The following KHDRBS2 variants were observed in gnomAD, a reference collection of about 807,000 sequenced individuals.
The protein encoded by KHDRBS2 is KH RNA binding domain containing, signal transduction associated 2.
In KHDRBS2, 26 loss-of-function variants were observed where a neutral mutation model predicts 44.3. The observed-to-expected ratio is 0.59, with a 90% CI of 0.43 to 0.81. KHDRBS2 has a LOEUF of 0.81. Among genes scored for constraint, KHDRBS2 ranks in the 40% least tolerant of loss-of-function variants. The pLI is 0.00. For synonymous variants in KHDRBS2, 194 were observed against 151.1 expected (o/e 1.28, Z -2.08); for missense variants, 476 against 433.1 (o/e 1.10, Z -0.88).
At chr6:62,180,095 C>T (rs1821946086) in intron 1 of KHDRBS2, among the ~76,000 whole-genome samples, 1 of 151,794 alleles carries the variant, frequency 6.6e-6, no homozygotes, top group Non-Finnish European at 1.5e-5. Context: ...CAAACTAACA[C>T]AAGAACAGAA....
intron 3 of KHDRBS2, among the ~76,000 whole-genome samples, chr6:62,044,048 ATAG>A (rs764531103): frequency 6.6e-6 from 1 of 152,096 alleles, no homozygotes; most frequent in Non-Finnish European, 1.5e-5. Context: ...TCTTGAAGTA[ATAG>A]TAGATATGGA....
chr6:61,644,092 G>T, the KHDRBS2 span, among the ~76,000 whole-genome samples: 2 of 152,060 alleles, frequency 1.3e-5, no homozygotes, highest in Non-Finnish European at 2.9e-5. Context: ...GCATGGTTCT[G>T]GTATGAAAGC....
At chr6:61,865,625 C>T (rs115615888) in intron 6 of KHDRBS2, among the ~76,000 whole-genome samples, 1,994 of 152,214 alleles carry the variant, frequency 0.013, 49 homozygotes, top group African/African-American at 0.045. Context: ...ATCCACCCCT[C>T]GTCCCACCCA....
At chr6:62,216,579 G>C (rs757817031) in intron 1 of KHDRBS2, among the ~76,000 whole-genome samples, 1 of 151,564 alleles carries the variant, frequency 6.6e-6, no homozygotes, top group Non-Finnish European at 1.5e-5. Context: ...AGTTCCACAG[G>C]AGTCTTTATA....
the KHDRBS2 span, among the ~76,000 whole-genome samples, chr6:61,544,358 C>A: frequency 2.0e-5 from 3 of 152,012 alleles, no homozygotes; most frequent in African/African-American, 7.2e-5. Context: ...AACTAAGAGT[C>A]TTATGGAACC....
chr6:61,728,883 A>G (rs1329012726), intron 7 of KHDRBS2, among the ~76,000 whole-genome samples: 1 of 152,104 alleles, frequency 6.6e-6, no homozygotes, highest in Non-Finnish European at 1.5e-5. Flanking sequence ...AAGGTTTGTT[A>G]TTAGATTAGT....
At chr6:61,712,698 G>C (rs1055663147) in intron 7 of KHDRBS2, among the ~76,000 whole-genome samples, 8 of 151,786 alleles carry the variant, frequency 5.3e-5, no homozygotes, top group African/African-American at 1.9e-4. Context: ...TACTTCATTA[G>C]ATAATGTTTA....
intron 1 of KHDRBS2, among the ~76,000 whole-genome samples, chr6:62,228,444 T>A (rs1035315508): frequency 6.6e-6 from 1 of 152,276 alleles, no homozygotes; most frequent in South Asian, 2.1e-4. Context: ...TAGGAGTCTA[T>A]CTGTTTTGTT....
intron 2 of KHDRBS2, among the ~76,000 whole-genome samples, chr6:62,087,410 TA>T (rs1443365745): frequency 6.6e-6 from 1 of 151,598 alleles, no homozygotes; most frequent in Non-Finnish European, 1.5e-5. Context: ...GACAATTTCA[TA>T]AATTTAGACT....
At chr6:61,984,113 T>C (rs1774543386) in intron 3 of KHDRBS2, among the ~76,000 whole-genome samples, 1 of 152,092 alleles carries the variant, frequency 6.6e-6, no homozygotes. Context: ...ACCAGAACAC[T>C]TGCACCTTCC....
chr6:62,264,683 G>A (rs563254331), intron 1 of KHDRBS2, among the ~76,000 whole-genome samples: 2 of 151,648 alleles, frequency 1.3e-5, no homozygotes, highest in Non-Finnish European at 3.0e-5. Flanking sequence ...GAGACATATA[G>A]AGTAGGGATT....
chr6:62,197,403 A>G (rs1427289921), intron 1 of KHDRBS2, among the ~76,000 whole-genome samples: 1 of 152,168 alleles, frequency 6.6e-6, no homozygotes, highest in Non-Finnish European at 1.5e-5. Flanking sequence ...AACTGGTATT[A>G]TATACAATAC....
At chr6:61,771,919 T>C (rs984497827) in intron 6 of KHDRBS2, among the ~76,000 whole-genome samples, 4 of 152,086 alleles carry the variant, frequency 2.6e-5, no homozygotes, top group Non-Finnish European at 4.4e-5. Context: ...TACTCCAAAA[T>C]TGACCACATA....
At chr6:61,585,762 C>T in the KHDRBS2 span, among the ~76,000 whole-genome samples, 2 of 152,060 alleles carry the variant, frequency 1.3e-5, no homozygotes, top group Admixed American at 1.3e-4. Flanking sequence ...GTCATCTTAC[C>T]TCACATAGTT....
rs369378499 is a variant in KHDRBS2, at chr6:61,811,405, T to C, written c.811-78641A>G. 1.1e-4 allele frequency among the ~76,000 whole-genome samples: 16 copies of C among 152,300 alleles called. 1 individual carries two copies. In the East Asian group the frequency reaches 2.7e-3, roughly 26 times the overall value. Reference sequence around the variant, plus strand: ...TTTGCTATTGTGAATAGTGCTGCGATGAACATCCAAGTCCATGTGTCTCTC... The same window carrying C: ...TTTGCTATTGTGAATAGTGCTGCGACGAACATCCAAGTCCATGTGTCTCTC... On this transcript the variant is annotated intron_variant, in intron 6 of 8. Coordinates refer to ENST00000281156, the MANE Select transcript of KHDRBS2 (RefSeq NM_152688.4).
chr6:62,266,447 C>T (rs1274306978), intron 1 of KHDRBS2, among the ~76,000 whole-genome samples: 7 of 152,046 alleles, frequency 4.6e-5, no homozygotes, highest in African/African-American at 1.4e-4. Context: ...TTAGCTCCCT[C>T]ACCTCTCCAC....
chr6:62,088,239 G>A (rs1006844869), intron 2 of KHDRBS2, among the ~76,000 whole-genome samples: 1 of 152,120 alleles, frequency 6.6e-6, no homozygotes, highest in African/African-American at 2.4e-5. Context: ...TTGTTCCCTT[G>A]CTGGTGAGGA....
intron 3 of KHDRBS2, among the ~76,000 whole-genome samples, chr6:61,983,794 A>G (rs1181833753): frequency 1.3e-5 from 2 of 152,206 alleles, no homozygotes; most frequent in Non-Finnish European, 2.9e-5. Context: ...ATTATCATTG[A>G]TTAAAAATGA....
chr6:61,731,228 A>T (rs1441940921), intron 7 of KHDRBS2, among the ~76,000 whole-genome samples: 1 of 152,114 alleles, frequency 6.6e-6, no homozygotes, highest in Non-Finnish European at 1.5e-5. Flanking sequence ...TACTCGGTTC[A>T]ATATCTGTAA....
Sources: gnomAD v4.1 joint callset for allele counts (sites outside exome capture counted in the v4.1 genomes callset) on GRCh38, gnomAD v4.1.1 for gene constraint, MANE v1.5 for transcripts, NCBI Gene and HGNC (gene_info 2026-07-23, HGNC 2026-07-21) for gene names.